Variants in ARIH1 observed in about 807,000 individuals in gnomAD.
The protein encoded by ARIH1 is ariadne RBR E3 ubiquitin protein ligase 1.
ARIH1 carries 8 observed loss-of-function variants against 85.0 expected under a neutral mutation model. That is an observed-to-expected ratio of 0.09 (90% CI 0.06 to 0.17). The LOEUF is 0.17. ARIH1 is among the 10% of genes least tolerant of loss of function. The probability of loss-of-function intolerance (pLI) is 1.00; values close to 1 mark genes in which losing one functional copy is unlikely to be tolerated. For synonymous variants in ARIH1, 238 were observed against 253.6 expected (o/e 0.94, Z 0.59); for missense variants, 311 against 718.1 (o/e 0.43, Z 6.48).
intron 11 of ARIH1, among the ~76,000 whole-genome samples, chr15:72,574,102 A>G (rs911642363): frequency 6.6e-6 from 1 of 152,176 alleles, no homozygotes; most frequent in African/African-American, 2.4e-5. Flanking sequence ...AAGAAAATAT[A>G]TGTGGTTTAT....
At chr15:72,492,247 A>G (rs923718810) in intron 1 of ARIH1, among the ~76,000 whole-genome samples, 2 of 152,198 alleles carry the variant, frequency 1.3e-5, no homozygotes, top group African/African-American at 2.4e-5. Context: ...TTTGTTCGTT[A>G]TTTATGTATG....
intron 9 of ARIH1, 155 bp from the exon 10 acceptor site, chr15:72,570,022 C>T: frequency 1.4e-6 from 1 of 715,558 alleles, no homozygotes; most frequent in Non-Finnish European, 2.2e-6. Context: ...TTAAATAGTG[C>T]TTAAGTGTTC....
intron 1 of ARIH1, among the ~76,000 whole-genome samples, chr15:72,489,645 C>T (rs963812931): frequency 1.3e-5 from 2 of 152,142 alleles, no homozygotes; most frequent in Non-Finnish European, 1.5e-5. Context: ...GTATGGTGGT[C>T]GTCCCAAAAT....
At chr15:72,523,963 T>C (rs1478545991) in intron 2 of ARIH1, among the ~76,000 whole-genome samples, 1 of 142,364 alleles carries the variant, frequency 7.0e-6, no homozygotes, top group African/African-American at 2.7e-5. Context: ...TTTTTTTTTT[T>C]TGAGATGGAG....
At chr15:72,536,289 G>GC (rs1172827415) in intron 2 of ARIH1, among the ~76,000 whole-genome samples, 2 of 152,030 alleles carry the variant, frequency 1.3e-5, no homozygotes, top group African/African-American at 4.8e-5. Flanking sequence ...TAGAGATAGG[G>GC]TCTTGCTATA....
intron 2 of ARIH1, among the ~76,000 whole-genome samples, chr15:72,542,676 G>T (rs892213616): frequency 1.3e-5 from 2 of 152,106 alleles, no homozygotes; most frequent in African/African-American, 4.8e-5. Flanking sequence ...CTGGACTAGG[G>T]TGTTACTTAT....
chr15:72,563,811 A>G (rs2064207386), intron 7 of ARIH1, among the ~76,000 whole-genome samples: 2 of 151,976 alleles, frequency 1.3e-5, no homozygotes, highest in Admixed American at 1.3e-4. Flanking sequence ...CTGGGACTAT[A>G]CGTTTTTCTT....
chr15:72,526,594 G>C (rs935766998), intron 2 of ARIH1, among the ~76,000 whole-genome samples: 3 of 152,100 alleles, frequency 2.0e-5, no homozygotes, highest in African/African-American at 7.2e-5. Context: ...AGCTGGGCAT[G>C]ATAGTGTGTG....
chr15:72,534,389 T>C (rs949157259), intron 2 of ARIH1, among the ~76,000 whole-genome samples: 1 of 152,202 alleles, frequency 6.6e-6, no homozygotes, highest in African/African-American at 2.4e-5. Context: ...ATTTATATAC[T>C]GGTGTTTGTT....
intron 2 of ARIH1, among the ~76,000 whole-genome samples, chr15:72,535,101 G>A (rs2064075966): frequency 2.7e-5 from 4 of 150,490 alleles, no homozygotes; most frequent in South Asian, 2.1e-4. Context: ...ACAGGCGCCC[G>A]CCACCTCGCC....
intron 1 of ARIH1, among the ~76,000 whole-genome samples, chr15:72,493,824 TAA>T (rs1365668273): frequency 6.6e-6 from 1 of 152,188 alleles, no homozygotes; most frequent in Non-Finnish European, 1.5e-5. Context: ...TTTAAAAAGT[TAA>T]AACAGTCTTA....
chr15:72,484,804 CA>C (rs1567336538), intron 1 of ARIH1, among the ~76,000 whole-genome samples: 6 of 151,630 alleles, frequency 4.0e-5, no homozygotes, highest in Admixed American at 1.3e-4. Context: ...CACACACACA[CA>C]CCACAGTTTC....
At chr15:72,563,083 A>G (rs2064203982) in intron 6 of ARIH1, among the ~76,000 whole-genome samples, 1 of 152,182 alleles carries the variant, frequency 6.6e-6, no homozygotes, top group South Asian at 2.1e-4. Context: ...GCAGGGCCTC[A>G]TTCTAACACC....
In ARIH1 at chr15:72,474,576, G is replaced by C. The variant is rs1285902327; in HGVS notation, c.-64G>C. 4 of 1,474,036 alleles carry C rather than the reference G, an allele frequency of 2.7e-6. No individual in the cohort carries two copies. In the African/African-American group the frequency reaches 5.9e-5, roughly 22 times the overall value. The allele number at this position is 1,474,036 out of a possible 1,614,324, so 91.3% of individuals were successfully genotyped here. On this transcript the variant is annotated 5_prime_UTR_variant, in exon 1 of 14. Coordinates refer to ENST00000379887, the MANE Select transcript of ARIH1 (RefSeq NM_005744.5). ...AGCCGGAGCCGGAGCGAGAGCCGGG[G>C]CCTCGGCGTCCCCGCCCTCTCCCCG...
intron 2 of ARIH1, among the ~76,000 whole-genome samples, chr15:72,523,838 A>C (rs2140413978): frequency 6.6e-6 from 1 of 151,832 alleles, no homozygotes; most frequent in African/African-American, 2.4e-5. Context: ...AGGGGGAAAT[A>C]AACCGTTGGC....
At chr15:72,545,796 T>G (rs906443716) in intron 3 of ARIH1, among the ~76,000 whole-genome samples, 5 of 152,236 alleles carry the variant, frequency 3.3e-5, no homozygotes, top group African/African-American at 1.2e-4. Context: ...GCCACTGTAT[T>G]CCAGCCTGGG....
At chr15:72,573,703 T>G in intron 11 of ARIH1, among the ~76,000 whole-genome samples, 1 of 151,664 alleles carries the variant, frequency 6.6e-6, no homozygotes, top group Non-Finnish European at 1.5e-5. Context: ...TATTATAATA[T>G]TATTTAAATA....
intron 10 of ARIH1, among the ~76,000 whole-genome samples, chr15:72,570,639 A>C (rs1361611668): frequency 1.3e-5 from 2 of 152,334 alleles, no homozygotes; most frequent in East Asian, 1.9e-4. Flanking sequence ...TGTATTATCA[A>C]ATGTGCCTCT....
chr15:72,499,870 C>CA (rs2063895441), intron 1 of ARIH1, among the ~76,000 whole-genome samples: 1 of 152,168 alleles, frequency 6.6e-6, no homozygotes, highest in Admixed American at 6.6e-5. Context: ...GACTGAATCT[C>CA]ATTGTGCTGG....
Sources: allele counts gnomAD v4.1 joint callset (sites outside exome capture counted in the v4.1 genomes callset), GRCh38; gene constraint gnomAD v4.1.1; transcripts MANE v1.5; gene names NCBI Gene and HGNC (gene_info 2026-07-23, HGNC 2026-07-21).